The following NLRP14 variants were observed in gnomAD, a reference collection of about 807,000 sequenced individuals.
NLRP14 encodes the protein NLR family pyrin domain containing 14.
NLRP14 carries 105 observed loss-of-function variants against 94.7 expected under a neutral mutation model. The observed-to-expected ratio is 1.11, with a 90% CI of 0.95 to 1.30. NLRP14 has a LOEUF of 1.30. Among genes scored for constraint, NLRP14 ranks in the 50% most tolerant of loss-of-function variants. The pLI is 0.00. For missense variants in NLRP14, 1,362 were observed against 1,254.1 expected (o/e 1.09, Z -1.30); for synonymous variants, 508 against 459.9 (o/e 1.10, Z -1.34).
At chr11:7,084,555 G>A in the NLRP14 span, among the ~76,000 whole-genome samples, 2 of 152,122 alleles carry the variant, frequency 1.3e-5, no homozygotes, top group African/African-American at 4.8e-5. Context: ...ATCCCGAAAA[G>A]GCTGGCTTTG....
downstream of NLRP14, among the ~76,000 whole-genome samples, chr11:7,072,433 G>T (rs184213329): frequency 2.3e-3 from 354 of 152,368 alleles, no homozygotes; most frequent in African/African-American, 8.2e-3. Flanking sequence ...CAGAGGCAAA[G>T]TTTATTAAAG....
intron 10 of NLRP14, among the ~76,000 whole-genome samples, chr11:7,066,083 C>G (rs1852701159): frequency 6.6e-6 from 1 of 152,104 alleles, no homozygotes; most frequent in Non-Finnish European, 1.5e-5. Flanking sequence ...GTATATGTGC[C>G]ACATTTTCTT....
chr11:7,037,136 T>A (rs1408247088), intron 1 of NLRP14, among the ~76,000 whole-genome samples: 1 of 152,226 alleles, frequency 6.6e-6, no homozygotes, highest in Non-Finnish European at 1.5e-5. Flanking sequence ...CCATATTCTC[T>A]ATGTCCTGGA....
intron 3 of NLRP14, among the ~76,000 whole-genome samples, chr11:7,042,057 T>C (rs1852260615): frequency 6.6e-6 from 1 of 151,868 alleles, no homozygotes; most frequent in African/African-American, 2.4e-5. Flanking sequence ...ATCTCTGTTC[T>C]CCACATCTAT....
At chr11:7,047,467 CT>C (rs1195571001) in intron 5 of NLRP14, among the ~76,000 whole-genome samples, 2 of 151,966 alleles carry the variant, frequency 1.3e-5, no homozygotes, top group Non-Finnish European at 2.9e-5. Flanking sequence ...CCATGCCAGG[CT>C]ATTTTTTTTT....
In NLRP14 at chr11:7,057,751, T is replaced by C; in HGVS notation, c.2366T>C (p.Ile789Thr). Residue 789 changes from isoleucine to threonine, a missense_variant, in exon 7 of 12, where the codon ATA (isoleucine) becomes ACA (threonine). Coordinates refer to ENST00000299481, the MANE Select transcript of NLRP14 (RefSeq NM_176822.4). ...SNALIRSQSLIFLNLSTNNLL... is the reference protein window; with the variant it reads ...SNALIRSQSLTFLNLSTNNLL... ...GCTCTCATCAGAAGCCAGAGCCTGA[T>C]ATTTCTGAATCTGTCAACCAATAAT... is the stretch of plus-strand genomic sequence containing the variant. 1 of 1,612,070 alleles carries C rather than the reference T, an allele frequency of 6.2e-7. No individual in the cohort carries two copies.
intron 1 of NLRP14, among the ~76,000 whole-genome samples, chr11:7,021,533 A>C (rs1851935591): frequency 6.6e-6 from 1 of 152,212 alleles, no homozygotes; most frequent in African/African-American, 2.4e-5. Context: ...CGGAACTGAC[A>C]TTAAGAGCTG....
At chr11:7,084,710 A>G in the NLRP14 span, among the ~76,000 whole-genome samples, 1 of 152,202 alleles carries the variant, frequency 6.6e-6, no homozygotes, top group African/African-American at 2.4e-5. Flanking sequence ...ATCTTTTATC[A>G]TAATCTTTAT....
At chr11:7,087,848 T>C in the NLRP14 span, among the ~76,000 whole-genome samples, 1 of 152,132 alleles carries the variant, frequency 6.6e-6, no homozygotes, top group Admixed American at 6.5e-5. Flanking sequence ...GTTATAAGCA[T>C]CACACAAAAT....
At chr11:7,024,660 G>A (rs1002038621) in intron 1 of NLRP14, among the ~76,000 whole-genome samples, 1 of 152,138 alleles carries the variant, frequency 6.6e-6, no homozygotes, top group African/African-American at 2.4e-5. Context: ...TCATGAGTGT[G>A]TGTGTGTGCA....
rs1047735588 is a variant in NLRP14, at chr11:7,020,775, G to C, written c.-22+5G>C. ...TAGCATCGCTCTAAACTCAAGGTTA[G>C]AGGTTTTCAAATTCCGTCCTATTGT... On this transcript the variant is annotated splice_donor_5th_base_variant and intron_variant, in intron 1 of 11. Coordinates refer to ENST00000299481, the MANE Select transcript of NLRP14 (RefSeq NM_176822.4). The C allele has an allele frequency of 2.0e-5, 3 of 152,422 alleles. No homozygotes were observed. The highest frequency in any genetic ancestry group is 1.3e-4 in the Admixed American group (2 of 15,312). The allele number at this position is 152,422 out of a possible 1,614,324, so 9.4% of individuals were successfully genotyped here.
At position 7,046,752 on chromosome 11, in the gene NLRP14, C is replaced by T; in HGVS notation, c.2043C>T (p.Tyr681=). 1 of 1,613,060 alleles carries T rather than the reference C, an allele frequency of 6.2e-7. No homozygotes were observed. Among genetic ancestry groups the T allele is most frequent in the Non-Finnish European group, 8.5e-7 (1 of 1,179,024 alleles). Residue 681 remains tyrosine, a synonymous_variant, in exon 5 of 12, where the codon TAC becomes TAT. Coordinates refer to ENST00000299481, the MANE Select transcript of NLRP14 (RefSeq NM_176822.4). ...AACACTTGAGAGAATTGGACCTGTA[C>T]CATAGCAACCTTGATAAATCAGCAA... ...TNEHLRELDL[Y]HSNLDKSAMN... is the part of the protein sequence containing the mutation.
In NLRP14 at chr11:7,039,748, G is replaced by C; in HGVS notation, c.324G>C (p.Lys108Asn). ...SAQTIGPDDA[K>N]AGETQEDQEA... Reference sequence around the variant, plus strand: ...AGACTATAGGACCAGATGATGCCAAGGCTGGAGAGACACAAGAAGATCAGG... The same window carrying C: ...AGACTATAGGACCAGATGATGCCAACGCTGGAGAGACACAAGAAGATCAGG... The change falls in exon 3 of 12, where the codon AAG becomes AAC. Residue 108 changes from lysine (K) to asparagine (N), a missense_variant. Physicochemically the swap from Lys to Asn is moderately conservative, Grantham distance 94. Coordinates refer to ENST00000299481, the MANE Select transcript of NLRP14 (RefSeq NM_176822.4). 1 of 1,614,116 alleles carries C rather than the reference G, an allele frequency of 6.2e-7. No individual in the cohort carries two copies. Among genetic ancestry groups the C allele is most frequent in the Non-Finnish European group, 8.5e-7 (1 of 1,179,952 alleles).
intron 1 of NLRP14, among the ~76,000 whole-genome samples, chr11:7,030,167 T>C (rs1852070804): frequency 6.6e-6 from 1 of 152,252 alleles, no homozygotes; most frequent in South Asian, 2.1e-4. Flanking sequence ...GTTTCTCATC[T>C]GAGAGGCAAT....
chr11:7,079,868 G>C, the NLRP14 span, among the ~76,000 whole-genome samples: 1 of 152,210 alleles, frequency 6.6e-6, no homozygotes, highest in Non-Finnish European at 1.5e-5. Flanking sequence ...AACCCGATTG[G>C]CTAACTTGAA....
At chr11:7,087,036 CAGATAAG>C in the NLRP14 span, among the ~76,000 whole-genome samples, 3 of 151,378 alleles carry the variant, frequency 2.0e-5, no homozygotes, top group African/African-American at 7.3e-5. Flanking sequence ...AGGTAGACCT[CAGATAAG>C]AGGGAACTGG....
intron 10 of NLRP14, among the ~76,000 whole-genome samples, chr11:7,066,630 A>G (rs1388436387): frequency 2.0e-5 from 3 of 152,156 alleles, no homozygotes; most frequent in Non-Finnish European, 2.9e-5. Context: ...ACTTTCTCCC[A>G]TTATGCAGGT....
chr11:7,075,292 G>A (rs190702830), downstream of NLRP14, among the ~76,000 whole-genome samples: 348 of 152,290 alleles, frequency 2.3e-3, no homozygotes, highest in African/African-American at 8.1e-3. Context: ...ACTATGCAAA[G>A]ACCTAGTATT....
the NLRP14 span, chr11:7,089,866 G>C: frequency 6.2e-7 from 1 of 1,612,624 alleles, no homozygotes; most frequent in Non-Finnish European, 8.5e-7. Flanking sequence ...TCCAGTGTCC[G>C]GGACGACTGT....
Sources: allele counts gnomAD v4.1 joint callset (sites outside exome capture counted in the v4.1 genomes callset), GRCh38; gene constraint gnomAD v4.1.1; transcripts MANE v1.5; gene names NCBI Gene and HGNC (gene_info 2026-07-23, HGNC 2026-07-21).